RGS22: variants seen among roughly 807,000 people sequenced by gnomAD.
RGS22 encodes the protein regulator of G-protein signaling 22.
A neutral mutation model predicts 172.9 loss-of-function variants in RGS22; 148 were observed. The observed-to-expected ratio is 0.86, with a 90% CI of 0.75 to 0.98. The LOEUF (loss-of-function observed/expected upper bound fraction) is 0.98, where lower values mean the gene tolerates loss of function less well. Among genes scored for constraint, RGS22 ranks in the 50% least tolerant of loss-of-function variants. The pLI is 0.00. For missense variants in RGS22, 1,347 were observed against 1,440.8 expected (o/e 0.93, Z 1.05); for synonymous variants, 458 against 480.2 (o/e 0.95, Z 0.60).
chr8:100,068,719 C>T (rs1810722338), intron 6 of RGS22, among the ~76,000 whole-genome samples: 1 of 151,978 alleles, frequency 6.6e-6, no homozygotes. Context: ...ATTGCTGGAG[C>T]TCAGCAGTTC....
At chr8:100,086,096 G>A (rs554406756) in intron 3 of RGS22, among the ~76,000 whole-genome samples, 1 of 152,056 alleles carries the variant, frequency 6.6e-6, no homozygotes, top group East Asian at 1.9e-4. Context: ...GGAGAAGAGG[G>A]GGAAGAGGTG....
chr8:100,025,418 G>A (rs1818073866), intron 14 of RGS22, among the ~76,000 whole-genome samples: 1 of 152,128 alleles, frequency 6.6e-6, no homozygotes, highest in Admixed American at 6.5e-5. Flanking sequence ...CTATAAAGAG[G>A]TACCTGATTT....
Position 100,052,971 on chromosome 8 carries a change from G to C in RGS22, c.1520C>G (p.Pro507Arg). Residue 507 changes from proline (P) to arginine (R), a missense_variant, in exon 10 of 28, where the codon CCA (proline) becomes CGA (arginine). Transcript: ENST00000360863. ...VLKPLLLYWA[P>R]RFCVTHSAST... ...GGCTGAATGAGTAACACAGAATCTT[G>C]GTGCCCTGTTTATTGGAAAAATAAA... is the stretch of plus-strand genomic sequence containing the variant. The C allele has an allele frequency of 1.2e-6, 2 of 1,613,146 alleles. No homozygotes were observed. The highest frequency in any genetic ancestry group is 1.7e-6 in the Non-Finnish European group (2 of 1,179,558).
intron 2 of RGS22, among the ~76,000 whole-genome samples, chr8:100,098,853 TA>T (rs1563732578): frequency 4.4e-5 from 1 of 22,748 alleles, no homozygotes; most frequent in South Asian, 1.3e-3. Flanking sequence ...TTATTTATTT[TA>T]TTATTTTATT....
chr8:100,027,627 C>A (rs1818322431), intron 14 of RGS22, among the ~76,000 whole-genome samples: 2 of 152,054 alleles, frequency 1.3e-5, no homozygotes, highest in Non-Finnish European at 1.5e-5. Context: ...GGAATACAGG[C>A]ATGTACCACC....
intron 14 of RGS22, among the ~76,000 whole-genome samples, chr8:100,023,651 T>C (rs1393935086): frequency 2.6e-5 from 4 of 152,074 alleles, no homozygotes; most frequent in Non-Finnish European, 5.9e-5. Context: ...TTCATGCTGA[T>C]CTTGAACTCC....
At chr8:100,038,784 T>A in intron 14 of RGS22, 147 bp downstream of exon 14, 1 of 430,396 alleles carries the variant, frequency 2.3e-6, no homozygotes, top group Non-Finnish European at 4.1e-6. Flanking sequence ...AATATTTTGC[T>A]GATTTCAAAT....
chr8:99,997,635 T>C (rs1814537053), intron 19 of RGS22, among the ~76,000 whole-genome samples: 1 of 152,206 alleles, frequency 6.6e-6, no homozygotes, highest in African/African-American at 2.4e-5. Flanking sequence ...TCCTGATTAG[T>C]ATTAATGGCA....
intron 9 of RGS22, among the ~76,000 whole-genome samples, chr8:100,060,402 G>GTGTATATATA (rs1193942289): frequency 1.8e-4 from 19 of 102,984 alleles, no homozygotes; most frequent in Middle Eastern, 5.1e-3. Context: ...TTAGCTACGT[G>GTGTATATATA]TATATATATA....
At chr8:100,061,539 T>C (rs545314280) in intron 9 of RGS22, among the ~76,000 whole-genome samples, 229 of 152,290 alleles carry the variant, frequency 1.5e-3, no homozygotes, top group Non-Finnish European at 2.6e-3. Context: ...AACAGTCATA[T>C]GAAAAGAAGC....
chr8:100,053,291 G>A (rs1226591517), intron 9 of RGS22, among the ~76,000 whole-genome samples: 1 of 152,004 alleles, frequency 6.6e-6, no homozygotes, highest in Non-Finnish European at 1.5e-5. Flanking sequence ...GCATGGTGAT[G>A]GGCGCCTGTA....
At chr8:100,008,000 A>T (rs1815911643) in intron 15 of RGS22, among the ~76,000 whole-genome samples, 2 of 151,734 alleles carry the variant, frequency 1.3e-5, no homozygotes, top group South Asian at 4.2e-4. Context: ...CAGTAAACCT[A>T]ACAATTTTTT....
chr8:100,051,428 ATATAT>A (rs1821277214), intron 10 of RGS22, among the ~76,000 whole-genome samples: 2 of 109,154 alleles, frequency 1.8e-5, no homozygotes, highest in South Asian at 5.6e-4. Flanking sequence ...ATATACATTT[ATATAT>A]TTATATATTT....
chr8:100,001,347 C>T (rs1815070196), intron 18 of RGS22, among the ~76,000 whole-genome samples: 1 of 151,146 alleles, frequency 6.6e-6, no homozygotes, highest in Non-Finnish European at 1.5e-5. Context: ...AGGGATTCTC[C>T]TGCCTTAGCC....
In RGS22 at chr8:99,962,903, C is replaced by T; in HGVS notation, c.3691G>A (p.Glu1231Lys). ...RILLKIQEEL[E>K]KKLFAGLQPL... The stretch of plus-strand genomic sequence containing the variant: ...AAATTACCTGCAAACAACTTTTTTT[C>T]TAGTTCTTCTTGGATCTTAAGAAGA... Residue 1231 changes from glutamate to lysine, a missense_variant, in exon 25 of 28, where the codon GAA becomes AAA. Physicochemically the swap from Glu to Lys is moderately conservative, Grantham distance 56. Coordinates refer to ENST00000360863, the MANE Select transcript of RGS22 (RefSeq NM_015668.5). 1 of 1,599,602 alleles carries T rather than the reference C, an allele frequency of 6.3e-7. No individual in the cohort carries two copies. The highest frequency in any genetic ancestry group is 8.5e-7 in the Non-Finnish European group (1 of 1,176,694).
chr8:100,076,196 G>C (rs1811333659), intron 4 of RGS22, among the ~76,000 whole-genome samples: 1 of 152,002 alleles, frequency 6.6e-6, no homozygotes, highest in Non-Finnish European at 1.5e-5. Flanking sequence ...TCTTGGTAGT[G>C]TCCTTTAGAG....
chr8:100,096,649 G>A (rs1433250623), intron 2 of RGS22, among the ~76,000 whole-genome samples: 1 of 149,616 alleles, frequency 6.7e-6, no homozygotes, highest in South Asian at 2.1e-4. Flanking sequence ...TGTCACTTAG[G>A]CGCTTAGCTA....
intron 3 of RGS22, among the ~76,000 whole-genome samples, chr8:100,086,762 C>T (rs139122429): frequency 2.0e-5 from 3 of 152,220 alleles, no homozygotes; most frequent in African/African-American, 7.2e-5. Context: ...CTCCGTATAA[C>T]AAAATCTCTG....
chr8:100,052,289 A>T (rs535858354), intron 10 of RGS22, among the ~76,000 whole-genome samples: 261 of 141,826 alleles, frequency 1.8e-3, no homozygotes, highest in African/African-American at 6.6e-3. Flanking sequence ...TTATATACAT[A>T]TTTATATTTA....
Sources: gnomAD v4.1 joint callset for allele counts (sites outside exome capture counted in the v4.1 genomes callset) on GRCh38, gnomAD v4.1.1 for gene constraint, MANE v1.5 for transcripts, NCBI Gene and HGNC (gene_info 2026-07-23, HGNC 2026-07-21) for gene names.